GARRE1: variants seen among roughly 807,000 people sequenced by gnomAD.
GARRE1 encodes granule associated Rac and RHOG effector protein 1.
GARRE1 carries 49 observed loss-of-function variants against 103.2 expected under a neutral mutation model. The ratio of observed to expected loss-of-function variants is 0.47; its 90% confidence interval spans 0.38 to 0.60. The LOEUF is 0.60. GARRE1 is among the 20% of genes least tolerant of loss of function. The probability of loss-of-function intolerance (pLI) is 0.00; values close to 1 mark genes in which losing one functional copy is unlikely to be tolerated. For missense variants in GARRE1, 1,199 were observed against 1,370.5 expected (o/e 0.87, Z 1.98); for synonymous variants, 505 against 532.8 (o/e 0.95, Z 0.72).
chr19:34,327,335 G>A (rs997677298), intron 3 of GARRE1, 86 bp from the exon 4 acceptor site: 1 of 1,245,536 alleles, frequency 8.0e-7, no homozygotes, highest in Non-Finnish European at 1.1e-6. Flanking sequence ...ACTTGAGGGG[G>A]TTTTTCTTGT....
At chr19:34,273,573 A>T (rs2073800213) in intron 1 of GARRE1, among the ~76,000 whole-genome samples, 1 of 152,182 alleles carries the variant, frequency 6.6e-6, no homozygotes, top group Admixed American at 6.5e-5. Flanking sequence ...GCACCCTTGG[A>T]TGTTTTGAAT....
At chr19:34,284,127 CTTTTTTTTTTTTTT>C (rs10608784) in intron 1 of GARRE1, among the ~76,000 whole-genome samples, 3 of 73,436 alleles carry the variant, frequency 4.1e-5, no homozygotes, top group African/African-American at 1.1e-4. Context: ...GCCCGGCTTT[CTTTTTTTTTTTTTT>C]TTTTTTTTTG....
intron 2 of GARRE1, among the ~76,000 whole-genome samples, chr19:34,306,915 T>A (rs1179568745): frequency 2.0e-5 from 3 of 151,936 alleles, no homozygotes; most frequent in Non-Finnish European, 2.9e-5. Context: ...AGTTTCGATC[T>A]TAGAGAAGGT....
chr19:34,337,067 T>C (rs2074164401), intron 8 of GARRE1, among the ~76,000 whole-genome samples: 3 of 149,190 alleles, frequency 2.0e-5, no homozygotes, highest in South Asian at 2.1e-4. Flanking sequence ...TTTTTTTTTT[T>C]CAAATTACAA....
At position 34,300,159 on chromosome 19, in the gene GARRE1, T is replaced by G; in HGVS notation, c.-315T>G. ...GTAAATACAAGTATCAAAATATTCT[T>G]GCAAAGAAGTAAACATTTTTCTCAG... On this transcript the variant is annotated 5_prime_UTR_variant, in exon 2 of 14. Transcript: ENST00000299505. 3.5e-6 allele frequency: 1 copy of G among 285,662 alleles called. No individual in the cohort carries two copies. The highest frequency in any genetic ancestry group is 6.5e-6 in the Non-Finnish European group (1 of 154,338). The allele number at this position is 285,662 out of a possible 1,614,324, so 17.7% of individuals were successfully genotyped here.
intron 1 of GARRE1, among the ~76,000 whole-genome samples, chr19:34,259,121 T>C (rs374141803): frequency 4.6e-5 from 7 of 152,260 alleles, no homozygotes; most frequent in African/African-American, 1.7e-4. Context: ...TGAACTGTGA[T>C]TGTGCCACTG....
chr19:34,287,957 T>C (rs2073896698), intron 1 of GARRE1, among the ~76,000 whole-genome samples: 2 of 152,160 alleles, frequency 1.3e-5, no homozygotes, highest in African/African-American at 4.8e-5. Flanking sequence ...GCACCCTTAG[T>C]TGTGGGCAAT....
At chr19:34,298,268 T>C (rs546662753) in intron 1 of GARRE1, among the ~76,000 whole-genome samples, 137 of 151,580 alleles carry the variant, frequency 9.0e-4, no homozygotes, top group Non-Finnish European at 1.5e-3. Context: ...ATACAAAAAT[T>C]AACCAAGCAT....
In GARRE1 at chr19:34,339,981, G is replaced by C. The variant is rs143541447; in HGVS notation, c.1476G>C (p.Trp492Cys). The C allele has an allele frequency of 3.7e-6, 6 of 1,614,086 alleles. No homozygotes were observed. Among genetic ancestry groups the C allele is most frequent in the Non-Finnish European group, 5.1e-6 (6 of 1,180,038 alleles). ...CAGCTGTGCTGGACCTAAACCGCTG[G>C]AGGGCTGGAAGGTTGGTGTCTGTGG... ...LYTAVLDLNR[W>C]RAGREQALPC... The change falls in exon 9 of 14, where the codon TGG becomes TGC. Residue 492 changes from tryptophan (W) to cysteine (C), a missense_variant. Physicochemically the swap from Trp to Cys is radical, Grantham distance 215. Transcript: ENST00000299505.
In GARRE1 at chr19:34,352,699, C is replaced by T. The variant is rs140217248; in HGVS notation, c.2957C>T (p.Pro986Leu). The T allele has an allele frequency of 8.6e-5, 138 of 1,613,856 alleles. No homozygotes were observed. In the African/African-American group the frequency reaches 1.4e-3, roughly 16 times the overall value. Residue 986 changes from proline to leucine, a missense_variant, in exon 14 of 14, where the codon CCG (proline) becomes CTG (leucine). By Grantham distance (98) the Pro-to-Leu change is moderately conservative. Transcript: ENST00000299505. ...PPKAPWQHPS[P>L]LPSTLPSPSA... Reference sequence around the variant, plus strand: ...AAAGCACCCTGGCAGCACCCTTCCCCGCTTCCCAGCACGCTGCCCAGCCCC... The same window carrying T: ...AAAGCACCCTGGCAGCACCCTTCCCTGCTTCCCAGCACGCTGCCCAGCCCC...
chr19:34,330,600 T>C (rs2074132777), intron 7 of GARRE1, among the ~76,000 whole-genome samples: 1 of 152,176 alleles, frequency 6.6e-6, no homozygotes, highest in Admixed American at 6.6e-5. Flanking sequence ...GCTTTGCTTA[T>C]TTTAAGAAAA....
intron 3 of GARRE1, among the ~76,000 whole-genome samples, chr19:34,322,652 A>G (rs551241410): frequency 2.0e-4 from 31 of 151,912 alleles, no homozygotes; most frequent in Non-Finnish European, 3.8e-4. Context: ...CAGTGGCGCA[A>G]TCTCGGCTCA....
At chr19:34,311,328 TG>T (rs1167264660) in intron 2 of GARRE1, among the ~76,000 whole-genome samples, 2 of 152,196 alleles carry the variant, frequency 1.3e-5, no homozygotes, top group Non-Finnish European at 2.9e-5. Context: ...TTCATGACGG[TG>T]TAACTAGAAG....
chr19:34,328,021 CG>C lies in GARRE1; in HGVS notation c.978del (p.Arg327GlyfsTer20). The C allele has an allele frequency of 6.8e-6, 11 of 1,614,142 alleles. No individual in the cohort carries two copies. Among genetic ancestry groups the C allele is most frequent in the Non-Finnish European group, 9.3e-6 (11 of 1,180,030 alleles). ...TGCAGCGAGGCGGAAGCCCAGCAGA[CG>C]GGGCGGAGGCAGACACCCCCGCAGC... ...GCCSEAEAQQ[T>X]GRRQTPPQPM... On this transcript the variant is annotated frameshift_variant, in exon 6 of 14. Coordinates refer to ENST00000299505, the MANE Select transcript of GARRE1 (RefSeq NM_014686.5). LOFTEE classifies it high-confidence loss of function.
chr19:34,330,749 T>G (rs996747548), intron 7 of GARRE1, among the ~76,000 whole-genome samples: 15 of 122,332 alleles, frequency 1.2e-4, no homozygotes, highest in African/African-American at 3.7e-4. Context: ...TTTTTTTTTT[T>G]GTGTGTGTGT....
intron 1 of GARRE1, among the ~76,000 whole-genome samples, chr19:34,277,460 C>G (rs746309178): frequency 6.6e-6 from 1 of 152,138 alleles, no homozygotes; most frequent in Admixed American, 6.6e-5. Context: ...TGAAAAAACA[C>G]GTGAAATTTG....
In GARRE1 at chr19:34,299,708, C is replaced by G. The variant is rs1192664496; in HGVS notation, c.-766C>G. 6.6e-6 allele frequency: 1 copy of G among 152,192 alleles called. No individual in the cohort carries two copies. The highest frequency in any genetic ancestry group is 2.1e-4 in the South Asian group (1 of 4,832). The allele number at this position is 152,192 out of a possible 1,614,324, so 9.4% of individuals were successfully genotyped here. A position where few individuals can be genotyped will look rare whatever the true frequency, so the allele number is the denominator to read the frequency against. ...GGACTTAGAAGCCTTACAAATACAT[C>G]TGTGCATTCTTGCTTCAGACTTTAC... is the stretch of plus-strand genomic sequence containing the variant. On this transcript the variant is annotated 5_prime_UTR_variant, in exon 2 of 14. In the 5' UTR this introduces an upstream ATG that the reference lacks. Transcript: ENST00000299505.
At position 34,341,404 on chromosome 19, in the gene GARRE1, A is replaced by C; in HGVS notation, c.1488-18A>C. On this transcript the variant is annotated intron_variant, in intron 9 of 13. Coordinates refer to ENST00000299505, the MANE Select transcript of GARRE1 (RefSeq NM_014686.5). ...ATATTTGTCTTTTTTTTTTTTAAAC[A>C]AATTTCTGTTTAAATAGGGAGCAAG... 1 of 1,586,632 alleles carries C rather than the reference A, an allele frequency of 6.3e-7. No individual in the cohort carries two copies. Among genetic ancestry groups the C allele is most frequent in the Non-Finnish European group, 8.5e-7 (1 of 1,169,728 alleles).
chr19:34,304,302 G>A (rs925772460), intron 2 of GARRE1, among the ~76,000 whole-genome samples: 9 of 150,196 alleles, frequency 6.0e-5, no homozygotes, highest in Non-Finnish European at 1.3e-4. Flanking sequence ...TGTTGGCCAG[G>A]CTGGTCTCAA....
Sources: allele counts gnomAD v4.1 joint callset (sites outside exome capture counted in the v4.1 genomes callset), GRCh38; gene constraint gnomAD v4.1.1; transcripts MANE v1.5; gene names NCBI Gene and HGNC (gene_info 2026-07-23, HGNC 2026-07-21).